The following ARID4B variants were observed in gnomAD, a reference collection of about 807,000 sequenced individuals.
The protein encoded by ARID4B is AT-rich interactive domain-containing protein 4B.
A neutral mutation model predicts 147.5 loss-of-function variants in ARID4B; 26 were observed. The observed-to-expected ratio is 0.18, with a 90% CI of 0.13 to 0.24. The LOEUF is 0.24. Ranked by LOEUF, ARID4B falls within the 10% of genes least tolerant of loss-of-function variation. The probability of loss-of-function intolerance (pLI) is 1.00; values close to 1 mark genes in which losing one functional copy is unlikely to be tolerated. For missense variants in ARID4B, 1,179 were observed against 1,511.5 expected (o/e 0.78, Z 3.65); for synonymous variants, 512 against 507.9 (o/e 1.01, Z -0.11).
chr1:235,250,574 T>C (rs536733189), intron 6 of ARID4B, among the ~76,000 whole-genome samples: 1 of 152,292 alleles, frequency 6.6e-6, no homozygotes, highest in East Asian at 1.9e-4. Context: ...ATTAATGCTT[T>C]TTCTCCTCCA....
intron 8 of ARID4B, among the ~76,000 whole-genome samples, chr1:235,236,836 A>ATATATATATATATATATGTGTG (rs1668610176): frequency 8.1e-5 from 2 of 24,792 alleles, no homozygotes; most frequent in Non-Finnish European, 1.5e-4. Context: ...TATAAAAAAT[A>ATATATATATATATATATGTGTG]TATATATATA....
chr1:235,300,967 G>A (rs1452186795), intron 2 of ARID4B, among the ~76,000 whole-genome samples: 3 of 151,334 alleles, frequency 2.0e-5, no homozygotes, highest in African/African-American at 4.9e-5. Context: ...TGCCTGCCTC[G>A]GCCTCCCAGA....
chr1:235,256,192 T>TAAAAAAAA (rs1669980598), intron 4 of ARID4B, among the ~76,000 whole-genome samples: 1 of 94,812 alleles, frequency 1.1e-5, no homozygotes. Flanking sequence ...AAAAAAAAAG[T>TAAAAAAAA]GCCAGCAGTT....
intron 2 of ARID4B, among the ~76,000 whole-genome samples, chr1:235,314,868 CA>C (rs1278000129): frequency 6.6e-6 from 1 of 152,008 alleles, no homozygotes; most frequent in Non-Finnish European, 1.5e-5. Flanking sequence ...ACCACTTGCT[CA>C]AAGGTTTTAG....
chr1:235,268,073 A>C (rs1670734345), intron 2 of ARID4B, among the ~76,000 whole-genome samples: 1 of 152,150 alleles, frequency 6.6e-6, no homozygotes, highest in South Asian at 2.1e-4. Flanking sequence ...AGTGAAGAGG[A>C]GGCCTGGGGG....
At chr1:235,238,153 A>AAAAAAAAAAAAAAAAAAAAG (rs61179792) in intron 8 of ARID4B, among the ~76,000 whole-genome samples, 2 of 141,810 alleles carry the variant, frequency 1.4e-5, no homozygotes, top group African/African-American at 5.7e-5. Flanking sequence ...CAAAAAAAAA[A>AAAAAAAAAAAAAAAAAAAAG]AAAAGAAAAG....
Position 235,172,715 on chromosome 1 carries a change from T to C in ARID4B, c.3714A>G (p.Glu1238=), listed in dbSNP as rs759304574. 1.3e-5 allele frequency: 21 copies of C among 1,607,270 alleles called. No individual in the cohort carries two copies. The highest frequency in any genetic ancestry group is 1.7e-5 in the Non-Finnish European group (20 of 1,177,424). The change falls in exon 23 of 24, where the codon GAA becomes GAG. Residue 1238 remains glutamate (E), a synonymous_variant. Transcript: ENST00000264183. ...TSAERITILQ[E]KLQEIRKHYL... is the part of the protein sequence containing the mutation. The stretch of plus-strand genomic sequence containing the variant: ...AATGTTTTCTGATTTCTTGAAGTTT[T>C]TCTTGAAGAATTGTGATGCGTTCGG...
At chr1:235,203,286 C>T (rs1045634782) in intron 17 of ARID4B, among the ~76,000 whole-genome samples, 1 of 152,132 alleles carries the variant, frequency 6.6e-6, no homozygotes, top group African/African-American at 2.4e-5. Flanking sequence ...TGGAAAAGAA[C>T]ATTAGTCGAC....
At chr1:235,175,692 C>T (rs993432863) in intron 21 of ARID4B, 22 of 303,588 alleles carry the variant, frequency 7.2e-5, no homozygotes, top group Non-Finnish European at 1.2e-4. Context: ...GCTTTTTACT[C>T]TATTATGTTA....
At chr1:235,285,246 A>G (rs955175590) in intron 2 of ARID4B, among the ~76,000 whole-genome samples, 1 of 152,146 alleles carries the variant, frequency 6.6e-6, no homozygotes, top group African/African-American at 2.4e-5. Context: ...GAATCCAACA[A>G]TATGTTCTAA....
chr1:235,310,966 C>T (rs745349289), intron 2 of ARID4B, among the ~76,000 whole-genome samples: 26 of 152,130 alleles, frequency 1.7e-4, no homozygotes, highest in Admixed American at 4.6e-4. Flanking sequence ...CCACCGCACC[C>T]GGCCCCCAAA....
At chr1:235,228,590 T>C (rs1182400857) in intron 11 of ARID4B, 5 of 151,700 alleles carry the variant, frequency 3.3e-5, no homozygotes, top group Non-Finnish European at 7.4e-5. Flanking sequence ...GTGCTACGAT[T>C]ATGGTCGTGA....
chr1:235,183,886 T>A (rs1261054714), intron 19 of ARID4B, among the ~76,000 whole-genome samples: 2 of 151,578 alleles, frequency 1.3e-5, no homozygotes, highest in Non-Finnish European at 2.9e-5. Context: ...TGGGCTCAAA[T>A]GATCCTCCCA....
chr1:235,291,718 A>T (rs1672351574), intron 2 of ARID4B, among the ~76,000 whole-genome samples: 1 of 152,154 alleles, frequency 6.6e-6, no homozygotes, highest in Non-Finnish European at 1.5e-5. Flanking sequence ...TGACATAGCA[A>T]GACTGTCTTA....
At chr1:235,172,061 T>C (rs1479250122) in intron 23 of ARID4B, among the ~76,000 whole-genome samples, 1 of 152,218 alleles carries the variant, frequency 6.6e-6, no homozygotes, top group East Asian at 1.9e-4. Context: ...ATTTTCTTCA[T>C]AGTGCTTTCA....
At chr1:235,177,750 A>AT (rs1243683806) in intron 21 of ARID4B, 50 bp downstream of exon 21, 4 of 1,288,236 alleles carry the variant, frequency 3.1e-6, no homozygotes, top group Non-Finnish European at 4.4e-6. Flanking sequence ...TGGGGGTAAA[A>AT]TTATCAGCTA....
At chr1:235,220,219 C>A in intron 15 of ARID4B, 83 bp downstream of exon 15, 1 of 1,228,156 alleles carries the variant, frequency 8.1e-7, no homozygotes, top group Non-Finnish European at 1.1e-6. Flanking sequence ...TAATATTATA[C>A]AATATATTGA....
At position 235,221,829 on chromosome 1, in the gene ARID4B, T is replaced by C. The variant is rs536666761; in HGVS notation, c.1066-167A>G. On this transcript the variant is annotated intron_variant, in intron 13 of 23. Transcript: ENST00000264183. ...AAATTTGGTTTAAAAATAAAGGTTT[T>C]AGTACTCTAACAAATATCAGAAAAT... Among the ~76,000 whole-genome samples, 17 of 151,250 alleles carry C rather than the reference T, an allele frequency of 1.1e-4. No homozygotes were observed. The South Asian group carries it at 3.3e-3, about 30-fold the overall frequency.
chr1:235,302,181 C>CAAAAAAAAAAAAAAAAAA (rs1364335066), intron 2 of ARID4B, among the ~76,000 whole-genome samples: 1 of 38,122 alleles, frequency 2.6e-5, no homozygotes, highest in African/African-American at 1.1e-4. Flanking sequence ...AAAAAAACAG[C>CAAAAAAAAAAAAAAAAAA]AAAAAAAAAC....
Sources: gnomAD v4.1 joint callset for allele counts (sites outside exome capture counted in the v4.1 genomes callset) on GRCh38, gnomAD v4.1.1 for gene constraint, MANE v1.5 for transcripts, NCBI Gene and HGNC (gene_info 2026-07-23, HGNC 2026-07-21) for gene names.